The following TRPM6 variants were observed in gnomAD, a reference collection of about 807,000 sequenced individuals.
TRPM6 encodes the protein transient receptor potential cation channel subfamily M member 6.
Under a neutral mutation model 247.6 loss-of-function variants are expected in TRPM6, and 111 were observed. The observed-to-expected ratio is 0.45, with a 90% CI of 0.38 to 0.52. The LOEUF (loss-of-function observed/expected upper bound fraction) is 0.52, where lower values mean the gene tolerates loss of function less well. Among genes scored for constraint, TRPM6 ranks in the 20% least tolerant of loss-of-function variants. The probability of loss-of-function intolerance (pLI) is 0.00; values close to 1 mark genes in which losing one functional copy is unlikely to be tolerated. For synonymous variants in TRPM6, 892 were observed against 853.8 expected (o/e 1.04, Z -0.78); for missense variants, 2,126 against 2,421.5 (o/e 0.88, Z 2.56).
chr9:74,737,594 A>C, intron 36 of TRPM6: 1 of 438,238 alleles, frequency 2.3e-6, no homozygotes, highest in Non-Finnish European at 4.0e-6. Flanking sequence ...GAACAGCTTA[A>C]GTCTGCATCC....
rs1339638053 is a variant in TRPM6 at position 74,738,514 on chromosome 9, T to C, written c.5669A>G (p.Asn1890Ser). The change falls in exon 36 of 39, where the codon AAT becomes AGT. Residue 1890 changes from asparagine to serine, a missense_variant. This residue lies in a region of TRPM6 where 327 missense variants were observed against 397.7 expected (regional missense o/e 0.82). Transcript: ENST00000360774. ...GTTGGTGGGGGTGATTTCATCACCA[T>C]TGTTGTTGTTATACTTCCGGAACTC... Reference protein sequence around the residue: ...TGEFRKYNNNNGDEITPTNTL... With the variant: ...TGEFRKYNNNSGDEITPTNTL... 4.3e-6 allele frequency: 7 copies of C among 1,613,950 alleles called. No homozygotes were observed. Among genetic ancestry groups the C allele is most frequent in the African/African-American group, 4.0e-5 (3 of 74,896 alleles).
chr9:74,734,678 T>G (rs1293184663), intron 36 of TRPM6, among the ~76,000 whole-genome samples: 1 of 152,200 alleles, frequency 6.6e-6, no homozygotes, highest in African/African-American at 2.4e-5. Flanking sequence ...TTTTCTCCTA[T>G]CAAGAACTTC....
At chr9:74,873,710 A>T (rs181653583) in intron 1 of TRPM6, among the ~76,000 whole-genome samples, 2 of 152,248 alleles carry the variant, frequency 1.3e-5, no homozygotes, top group Non-Finnish European at 2.9e-5. Flanking sequence ...TCTTTGAGGG[A>T]CTCATCTTAA....
At chr9:74,887,757 C>T (rs1422138189) in intron 1 of TRPM6, 67 bp downstream of exon 1, 3 of 1,613,646 alleles carry the variant, frequency 1.9e-6, no homozygotes, top group Non-Finnish European at 8.5e-7. Context: ...TATCTAAGGC[C>T]GGGGGCGCAG....
intron 14 of TRPM6, chr9:74,804,460 T>C (rs1468081472): frequency 9.8e-6 from 6 of 610,344 alleles, no homozygotes; most frequent in African/African-American, 3.7e-5. Context: ...ACATAAAATA[T>C]GATAAAAACC....
At position 74,824,359 on chromosome 9, in the gene TRPM6, C is replaced by T. The variant is rs547891336; in HGVS notation, c.842-2522G>A. ...TAGAGACGGGGTTTCACCATGTTGG[C>T]CAGGCTGGACTTGAACTCCTGACCT... is the stretch of plus-strand genomic sequence containing the variant. On this transcript the variant is annotated intron_variant, in intron 7 of 38. Coordinates refer to ENST00000360774, the MANE Select transcript of TRPM6 (RefSeq NM_017662.5). Among the ~76,000 whole-genome samples, 52 of 151,546 alleles carry T rather than the reference C, an allele frequency of 3.4e-4. 1 individual carries two copies. Among genetic ancestry groups the T allele is most frequent in the African/African-American group, 1.1e-3 (47 of 41,390 alleles).
At chr9:74,883,002 C>T (rs985021599) in intron 1 of TRPM6, among the ~76,000 whole-genome samples, 4 of 152,076 alleles carry the variant, frequency 2.6e-5, no homozygotes, top group Non-Finnish European at 5.9e-5. Context: ...AACTCTATAC[C>T]CATTAAACAA....
In TRPM6 at chr9:74,840,108, T is replaced by G. The variant is rs1829880740; in HGVS notation, c.460A>C (p.Lys154Gln). ...GGIQNFTMPS[K>Q]FKEIFSQGLV... ...CCTTGGCTGAAAATCTCTTTAAATT[T>G]AGAGGGCATAGTAAAGTTCTGGATG... The change falls in exon 5 of 39, where the codon AAA becomes CAA. Residue 154 changes from lysine to glutamine, a missense_variant. Lys to Gln is a moderately conservative substitution (Grantham distance 53). Around this residue, in one of 3 missense-constraint regions of TRPM6, gnomAD observed 1,082 missense variants for 1,307.9 expected, o/e 0.83. Transcript: ENST00000360774. The G allele has an allele frequency of 6.2e-7, 1 of 1,613,992 alleles. No homozygotes were observed. The highest frequency in any genetic ancestry group is 1.7e-5 in the Admixed American group (1 of 60,002).
At chr9:74,868,557 C>T (rs578010361) in intron 1 of TRPM6, among the ~76,000 whole-genome samples, 1 of 151,860 alleles carries the variant, frequency 6.6e-6, no homozygotes, top group Non-Finnish European at 1.5e-5. Flanking sequence ...AAATGAGAAG[C>T]ACTTATGTTA....
chr9:74,762,099 G>A lies in TRPM6; in HGVS notation c.4572C>T (p.Ser1524=). The A allele has an allele frequency of 6.2e-7, 1 of 1,614,176 alleles. No homozygotes were observed. ...ATCTGCGGAGAGGATTGATCCAAAA[G>A]GATGTGTTTGGCTGAAGCCATGGTC... is the stretch of plus-strand genomic sequence containing the variant. ...EVGPWLQPNT[S]FWINPLRRYR... Residue 1524 remains serine (S), a synonymous_variant, in exon 26 of 39, where the codon TCC becomes TCT. Coordinates refer to ENST00000360774, the MANE Select transcript of TRPM6 (RefSeq NM_017662.5).
intron 11 of TRPM6, among the ~76,000 whole-genome samples, chr9:74,813,073 G>C (rs573976875): frequency 6.6e-6 from 1 of 152,162 alleles, no homozygotes; most frequent in Non-Finnish European, 1.5e-5. Context: ...GACATTCAAG[G>C]TTTCTTCTTC....
At chr9:74,832,916 T>A (rs1324170293) in intron 6 of TRPM6, among the ~76,000 whole-genome samples, 1 of 151,916 alleles carries the variant, frequency 6.6e-6, no homozygotes. Context: ...CCGGGCCTGG[T>A]GGTGGGTGCC....
At chr9:74,820,529 G>T in intron 8 of TRPM6, 102 bp from the exon 9 acceptor site, 1 of 1,417,840 alleles carries the variant, frequency 7.1e-7, no homozygotes, top group Non-Finnish European at 9.8e-7. Context: ...CTGAAAAGGT[G>T]TCTATGGACA....
chr9:74,864,276 A>C (rs1460930561), intron 1 of TRPM6, among the ~76,000 whole-genome samples: 2 of 152,228 alleles, frequency 1.3e-5, no homozygotes, highest in Non-Finnish European at 2.9e-5. Flanking sequence ...CCCTTGAAGC[A>C]AGAATCCCTT....
chr9:74,851,840 T>G (rs944394225), intron 3 of TRPM6, among the ~76,000 whole-genome samples: 1 of 150,168 alleles, frequency 6.7e-6, no homozygotes, highest in African/African-American at 2.4e-5. Context: ...GGATTATTTT[T>G]AAGTATTGCA....
intron 14 of TRPM6, chr9:74,804,791 T>C: frequency 1.5e-6 from 1 of 667,982 alleles, no homozygotes; most frequent in Non-Finnish European, 2.7e-6. Flanking sequence ...TTGCACGGGC[T>C]CGTAAGCAAC....
At chr9:74,739,521 G>T in intron 34 of TRPM6, 72 bp from the exon 35 acceptor site, 2 of 1,543,330 alleles carry the variant, frequency 1.3e-6, no homozygotes, top group South Asian at 2.2e-5. Flanking sequence ...ATTACTATAG[G>T]CTACCCCAAT....
intron 29 of TRPM6, among the ~76,000 whole-genome samples, chr9:74,751,751 C>T (rs1341707659): frequency 3.3e-5 from 5 of 152,122 alleles, no homozygotes; most frequent in African/African-American, 1.2e-4. Context: ...CTCCATCATG[C>T]CTGCAAAGAG....
intron 25 of TRPM6, among the ~76,000 whole-genome samples, chr9:74,770,745 C>A (rs868651580): frequency 6.6e-6 from 1 of 152,144 alleles, no homozygotes; most frequent in African/African-American, 2.4e-5. Flanking sequence ...TTCTTAGGGA[C>A]TTCTCTTCAG....
Sources: gnomAD v4.1 joint callset for allele counts (sites outside exome capture counted in the v4.1 genomes callset) on GRCh38, gnomAD v4.1.1 for gene constraint, gnomAD v4.1.1 regional missense constraint, MANE v1.5 for transcripts, NCBI Gene and HGNC (gene_info 2026-07-23, HGNC 2026-07-21) for gene names.